The following ENOX2 variants were observed in gnomAD, a reference collection of about 807,000 sequenced individuals.
ENOX2 encodes ecto-NOX disulfide-thiol exchanger 2.
Under a neutral mutation model 45.0 loss-of-function variants are expected in ENOX2, and 36 were observed. The ratio of observed to expected loss-of-function variants is 0.80; its 90% confidence interval spans 0.61 to 1.06. The LOEUF (loss-of-function observed/expected upper bound fraction) is 1.06. Ranked by LOEUF, ENOX2 falls within the 50% of genes least tolerant of loss-of-function variation. ENOX2 has a pLI of 0.00. For missense variants in ENOX2, 423 were observed against 462.5 expected (o/e 0.91, Z 0.78); for synonymous variants, 174 against 152.3 (o/e 1.14, Z -1.05).
chrX:130,629,427 A>C (rs1349181422), intron 13 of ENOX2, among the ~76,000 whole-genome samples: 8 of 112,891 alleles, frequency 7.1e-5, no homozygotes, highest in Non-Finnish European at 1.1e-4. Flanking sequence ...CCTTCTTGAA[A>C]AAACAAAACA....
chrX:130,757,002 C>G (rs905337219), intron 3 of ENOX2, among the ~76,000 whole-genome samples: 1 of 112,464 alleles, frequency 8.9e-6, no homozygotes, highest in African/African-American at 3.2e-5. Flanking sequence ...CACAGTGCTA[C>G]ATAATTGTTC....
intron 4 of ENOX2, among the ~76,000 whole-genome samples, chrX:130,694,457 T>A (rs2037698339): frequency 9.0e-6 from 1 of 111,382 alleles, no homozygotes; most frequent in Non-Finnish European, 1.9e-5. Context: ...CTACTAGGTG[T>A]ACTAAGATAA....
chrX:130,694,938 T>C (rs1015529708), intron 4 of ENOX2, among the ~76,000 whole-genome samples: 1 of 111,619 alleles, frequency 9.0e-6, no homozygotes, highest in Non-Finnish European at 1.9e-5. Context: ...CCAGGTTTTA[T>C]ACACTGCATC....
rs376789256 is a variant in ENOX2, at chrX:130,675,128, A to T, written c.460+4414T>A. ...GCATGATTTATAGTCCTTTGGGTAT[A>T]TACCCAGTAATGGGATGGCTGGGTC... On this transcript the variant is annotated intron_variant, in intron 6 of 14. Coordinates refer to ENST00000394363, the MANE Select transcript of ENOX2 (RefSeq NM_006375.4). Among the ~76,000 whole-genome samples the T allele has an allele frequency of 4.1e-3, 454 of 110,050 alleles. 2 individuals carry two copies. The highest frequency in any genetic ancestry group is 0.014 in the African/African-American group (433 of 30,135).
intron 3 of ENOX2, among the ~76,000 whole-genome samples, chrX:130,773,244 C>G (rs899135850): frequency 7.1e-5 from 8 of 112,152 alleles, no homozygotes; most frequent in African/African-American, 2.6e-4. Flanking sequence ...ATTATTACCT[C>G]TATTTTGTAG....
intron 3 of ENOX2, among the ~76,000 whole-genome samples, chrX:130,742,563 G>A (rs931460659): frequency 1.8e-5 from 2 of 111,173 alleles, no homozygotes; most frequent in Non-Finnish European, 3.8e-5. Flanking sequence ...ATAAGACAAA[G>A]TTGGAGAGTA....
intron 2 of ENOX2, among the ~76,000 whole-genome samples, chrX:130,795,997 G>A (rs890250711): frequency 2.7e-5 from 3 of 110,184 alleles, no homozygotes; most frequent in Non-Finnish European, 5.7e-5. Flanking sequence ...GTGTGTATGT[G>A]TGTGTTCTGG....
intron 14 of ENOX2, 134 bp from the exon 15 acceptor site, chrX:130,625,579 T>G (rs2035522206): frequency 1.7e-6 from 1 of 585,696 alleles, no homozygotes; most frequent in Admixed American, 4.3e-5. Flanking sequence ...TCCTGCTCCT[T>G]GCGCATTTGT....
intron 4 of ENOX2, among the ~76,000 whole-genome samples, chrX:130,696,545 C>A (rs2037767883): frequency 8.9e-6 from 1 of 112,231 alleles, no homozygotes; most frequent in Non-Finnish European, 1.9e-5. Context: ...AAGTCTATCA[C>A]CTCAGAATAA....
chrX:130,840,170 T>G (rs1018603816), intron 2 of ENOX2, among the ~76,000 whole-genome samples: 1 of 111,791 alleles, frequency 8.9e-6, no homozygotes, highest in Non-Finnish European at 1.9e-5. Flanking sequence ...TTGTAACTAT[T>G]TAACTTATGT....
At position 130,781,629 on chromosome X, in the gene ENOX2, T is replaced by C. The variant is rs150762376; in HGVS notation, c.-39+1918A>G. 1.7e-3 allele frequency among the ~76,000 whole-genome samples: 195 copies of C among 111,921 alleles called. 1 individual carries two copies. Among genetic ancestry groups the C allele is most frequent in the African/African-American group, 6.0e-3 (185 of 30,836 alleles). ...AACATGAATACAATGGAAAAACTAG[T>C]AGGTGATCATAAAAGTCTCAGAGCC... is the stretch of plus-strand genomic sequence containing the variant. On this transcript the variant is annotated intron_variant, in intron 3 of 14. Coordinates refer to ENST00000394363, the MANE Select transcript of ENOX2 (RefSeq NM_006375.4).
At chrX:130,813,680 C>G (rs750770748) in intron 2 of ENOX2, among the ~76,000 whole-genome samples, 1 of 111,783 alleles carries the variant, frequency 8.9e-6, no homozygotes. Context: ...CCAAGGGAAG[C>G]CATGAGGGAC....
At chrX:130,642,724 C>A (rs763130824) in intron 10 of ENOX2, among the ~76,000 whole-genome samples, 5 of 112,139 alleles carry the variant, frequency 4.5e-5, no homozygotes, top group Non-Finnish European at 9.4e-5. Context: ...GCAAAATTCT[C>A]CCCCAGCAAA....
intron 2 of ENOX2, among the ~76,000 whole-genome samples, chrX:130,797,126 A>C (rs189249022): frequency 3.6e-5 from 4 of 111,855 alleles, no homozygotes; most frequent in African/African-American, 1.3e-4. Context: ...ATCATGTTAC[A>C]TTACATTGTG....
At chrX:130,894,690 C>T (rs1383743847) in intron 2 of ENOX2, among the ~76,000 whole-genome samples, 1 of 111,309 alleles carries the variant, frequency 9.0e-6, no homozygotes, top group East Asian at 2.8e-4. Flanking sequence ...TTCACTCATC[C>T]CTACATATAG....
At chrX:130,638,662 C>A (rs1025592836) in intron 10 of ENOX2, among the ~76,000 whole-genome samples, 1 of 111,519 alleles carries the variant, frequency 9.0e-6, no homozygotes, top group African/African-American at 3.3e-5. Context: ...GGTTACAGGG[C>A]AAACAGCTGC....
chrX:130,689,529 G>A (rs1019488371), intron 4 of ENOX2, among the ~76,000 whole-genome samples: 1 of 112,033 alleles, frequency 8.9e-6, no homozygotes, highest in East Asian at 2.8e-4. Context: ...GCTGTGAGGA[G>A]TAAACAAAAT....
At chrX:130,699,947 T>C (rs907457079) in intron 4 of ENOX2, among the ~76,000 whole-genome samples, 2 of 112,298 alleles carry the variant, frequency 1.8e-5, no homozygotes, top group East Asian at 5.6e-4. Context: ...GCTGAGTTAA[T>C]TGAGGAATTA....
intron 9 of ENOX2, 105 bp from the exon 10 acceptor site, chrX:130,656,800 G>A: frequency 4.0e-6 from 2 of 495,068 alleles, no homozygotes; most frequent in Non-Finnish European, 6.9e-6. Context: ...TGACATATTA[G>A]GAAAAAAATC....
Sources: gnomAD v4.1 joint callset for allele counts (sites outside exome capture counted in the v4.1 genomes callset) on GRCh38, gnomAD v4.1.1 for gene constraint, MANE v1.5 for transcripts, NCBI Gene and HGNC (gene_info 2026-07-23, HGNC 2026-07-21) for gene names.